HEXB: variants seen among roughly 807,000 people sequenced by gnomAD.
HEXB encodes the protein hexosaminidase subunit beta, also known as beta-hexosaminidase subunit beta.
Under a neutral mutation model 71.2 loss-of-function variants are expected in HEXB, and 51 were observed. That is an observed-to-expected ratio of 0.72 (90% CI 0.57 to 0.90). The LOEUF is 0.90. Among genes scored for constraint, HEXB ranks in the 40% least tolerant of loss-of-function variants. The pLI, the probability that HEXB is intolerant of heterozygous loss-of-function variation, is 0.00. For missense variants in HEXB, 617 were observed against 677.0 expected, an observed-to-expected ratio of 0.91 and a Z score of 0.98; for synonymous variants, 266 against 249.3, an observed-to-expected ratio of 1.07 and a Z score of -0.63.
upstream of HEXB, among the ~76,000 whole-genome samples, chr5:74,681,013 C>G (rs1352899895): frequency 6.6e-6 from 1 of 152,194 alleles, no homozygotes; most frequent in East Asian, 1.9e-4. Context: ...CATGTTGTTT[C>G]AATTCCATGC....
intron 1 of HEXB, among the ~76,000 whole-genome samples, chr5:74,647,889 T>A (rs562963097): frequency 1.8e-4 from 28 of 152,242 alleles, no homozygotes; most frequent in Admixed American, 1.8e-3. Context: ...AATATCCCAG[T>A]TTCACTAGGC....
At chr5:74,715,485 A>G (rs1437703495) in intron 7 of HEXB, 25 bp from the exon 8 acceptor site, 2 of 1,526,064 alleles carry the variant, frequency 1.3e-6, no homozygotes, top group Admixed American at 3.3e-5. Flanking sequence ...CTTCTTTTAA[A>G]AAGAATCTTA....
intron 1 of HEXB, among the ~76,000 whole-genome samples, chr5:74,667,821 T>C (rs1175792142): frequency 6.6e-6 from 1 of 152,230 alleles, no homozygotes; most frequent in East Asian, 1.9e-4. Flanking sequence ...GTGCATCTTC[T>C]TGATTAGGGC....
At chr5:74,676,571 G>A (rs1314663000) in intron 1 of HEXB, among the ~76,000 whole-genome samples, 1 of 152,148 alleles carries the variant, frequency 6.6e-6, no homozygotes, top group East Asian at 1.9e-4. Flanking sequence ...TTCAAGACCA[G>A]CCTGGCCAAC....
chr5:74,642,999 C>T (rs1020405452), intron 1 of HEXB, among the ~76,000 whole-genome samples: 2 of 152,140 alleles, frequency 1.3e-5, no homozygotes, highest in Admixed American at 6.5e-5. Context: ...TCATCTGCCT[C>T]GGGGAGATAA....
chr5:74,679,357 T>A (rs1391645920), intron 1 of HEXB, among the ~76,000 whole-genome samples: 2 of 152,218 alleles, frequency 1.3e-5, no homozygotes, highest in African/African-American at 4.8e-5. Flanking sequence ...ATCCTTCTTA[T>A]GCCATGGCAG....
At chr5:74,712,805 T>C (rs926805345) in intron 6 of HEXB, among the ~76,000 whole-genome samples, 3 of 152,180 alleles carry the variant, frequency 2.0e-5, no homozygotes, top group African/African-American at 7.2e-5. Context: ...TTTCCGCAAC[T>C]GAGCACTTAT....
intron 3 of HEXB, among the ~76,000 whole-genome samples, chr5:74,694,008 A>G (rs913985180): frequency 2.4e-4 from 37 of 152,098 alleles, no homozygotes; most frequent in Non-Finnish European, 4.1e-4. Context: ...AAAGTACACA[A>G]ATTAGCCAGG....
chr5:74,668,230 T>TTGTGTGTGTGTG (rs34727155), intron 1 of HEXB, among the ~76,000 whole-genome samples: 8 of 148,580 alleles, frequency 5.4e-5, no homozygotes, highest in African/African-American at 1.7e-4. Flanking sequence ...TTTGTTTTGT[T>TTGTGTGTGTGTG]TGTGTGTGTG....
At chr5:74,664,457 A>G (rs1748397983) in intron 1 of HEXB, among the ~76,000 whole-genome samples, 1 of 149,956 alleles carries the variant, frequency 6.7e-6, no homozygotes, top group African/African-American at 2.5e-5. Context: ...AAAAAAACAG[A>G]GAGAGAGAGA....
chr5:74,670,762 G>A (rs1043367470), intron 1 of HEXB, among the ~76,000 whole-genome samples: 2 of 152,212 alleles, frequency 1.3e-5, no homozygotes, highest in Admixed American at 6.5e-5. Flanking sequence ...TTGTTTAGAT[G>A]CTGGAGTCCA....
intron 1 of HEXB, among the ~76,000 whole-genome samples, chr5:74,655,585 C>T (rs547973939): frequency 1.8e-4 from 27 of 152,184 alleles, no homozygotes; most frequent in Admixed American, 1.6e-3. Context: ...ATCCGCCTGC[C>T]TCAGCCTCCC....
At position 74,707,294 on chromosome 5, in the gene HEXB, A is replaced by C. The variant is rs796345620; in HGVS notation, c.771+1974A>C. On this transcript the variant is annotated intron_variant, in intron 6 of 13. Coordinates refer to ENST00000261416, the MANE Select transcript of HEXB (RefSeq NM_000521.4). ...ATCCACACCAAAAACCCATCTGTACATCACCATCATCAAAGACCAAAAGTA... is the reference window on the plus strand; with the variant it reads ...ATCCACACCAAAAACCCATCTGTACCTCACCATCATCAAAGACCAAAAGTA... 3.4e-5 allele frequency among the ~76,000 whole-genome samples: 4 copies of C among 116,956 alleles called. No individual in the cohort carries two copies. In the South Asian group the frequency reaches 8.3e-4, roughly 24 times the overall value. The allele number at this position is 116,956 out of a possible 152,430, so 76.7% of individuals were successfully genotyped here.
intron 7 of HEXB, among the ~76,000 whole-genome samples, chr5:74,715,085 C>T (rs1195202568): frequency 6.6e-6 from 1 of 152,086 alleles, no homozygotes. Flanking sequence ...TCTAGGATGA[C>T]GATGGTACCC....
chr5:74,705,093 A>C, intron 5 of HEXB, 126 bp from the exon 6 acceptor site: 1 of 34,808 alleles, frequency 2.9e-5, no homozygotes. Context: ...CCCTGTCTCA[A>C]AAAAAAAAAA....
At chr5:74,719,698 C>T (rs1194400304) in intron 11 of HEXB, among the ~76,000 whole-genome samples, 3 of 152,070 alleles carry the variant, frequency 2.0e-5, no homozygotes, top group East Asian at 1.9e-4. Flanking sequence ...AATCCCAGCA[C>T]TTTGGGAGGC....
At chr5:74,661,932 C>G (rs1255681691) in intron 1 of HEXB, among the ~76,000 whole-genome samples, 1 of 152,178 alleles carries the variant, frequency 6.6e-6, no homozygotes, top group African/African-American at 2.4e-5. Context: ...CTTCCTGGTT[C>G]ACAAAATGAC....
At chr5:74,693,753 C>T in intron 3 of HEXB, 49 bp downstream of exon 3, 1 of 1,339,670 alleles carries the variant, frequency 7.5e-7, no homozygotes, top group Non-Finnish European at 1.1e-6. Context: ...GGAAAATTTT[C>T]AGTTGGTGCT....
intron 1 of HEXB, among the ~76,000 whole-genome samples, chr5:74,656,018 T>C (rs543786368): frequency 6.6e-6 from 1 of 152,324 alleles, no homozygotes; most frequent in South Asian, 2.1e-4. Context: ...ATTAAGTAGC[T>C]AGTTCATCAA....
Sources: gnomAD v4.1 joint callset for allele counts (sites outside exome capture counted in the v4.1 genomes callset) on GRCh38, gnomAD v4.1.1 for gene constraint, MANE v1.5 for transcripts, NCBI Gene and HGNC (gene_info 2026-07-23, HGNC 2026-07-21) for gene names.